The following MAGI1 variants were observed in gnomAD, a reference collection of about 807,000 sequenced individuals.
The protein encoded by MAGI1 is membrane associated guanylate kinase, WW and PDZ domain containing 1.
MAGI1 carries 58 observed loss-of-function variants against 139.9 expected under a neutral mutation model. That is an observed-to-expected ratio of 0.41 (90% CI 0.34 to 0.52). MAGI1 has a LOEUF of 0.52. MAGI1 is among the 20% of genes least tolerant of loss of function. MAGI1 has a pLI of 0.12. For synonymous variants in MAGI1, 812 were observed against 737.9 expected (o/e 1.10, Z -1.63); for missense variants, 1,874 against 1,901.6 (o/e 0.99, Z 0.27).
At chr3:65,410,590 C>T (rs562493056) in intron 12 of MAGI1, among the ~76,000 whole-genome samples, 1 of 152,202 alleles carries the variant, frequency 6.6e-6, no homozygotes, top group Non-Finnish European at 1.5e-5. Flanking sequence ...AATACATGGA[C>T]CTACCACTGA....
chr3:65,949,618 T>A (rs2063700419), intron 1 of MAGI1, among the ~76,000 whole-genome samples: 2 of 152,206 alleles, frequency 1.3e-5, no homozygotes. Flanking sequence ...AGAGTTCAAC[T>A]TTCTCTCCAA....
chr3:65,802,890 GTC>G (rs1553709732), intron 1 of MAGI1, among the ~76,000 whole-genome samples: 3 of 147,798 alleles, frequency 2.0e-5, no homozygotes, highest in Admixed American at 6.7e-5. Context: ...GTGTGTGTGT[GTC>G]TTTTGTTGGC....
At chr3:65,796,925 CCT>C (rs1344625008) in intron 1 of MAGI1, among the ~76,000 whole-genome samples, 13 of 152,296 alleles carry the variant, frequency 8.5e-5, no homozygotes, top group African/African-American at 2.2e-4. Context: ...GAGGATGCCT[CCT>C]CTGTTACCAA....
intron 1 of MAGI1, among the ~76,000 whole-genome samples, chr3:65,765,398 T>C (rs2037384510): frequency 6.6e-6 from 1 of 152,176 alleles, no homozygotes; most frequent in South Asian, 2.1e-4. Flanking sequence ...AAGAAACCAA[T>C]GTTCCACTGC....
chr3:65,358,318 A>G (rs1199591761), intron 22 of MAGI1, among the ~76,000 whole-genome samples: 1 of 152,180 alleles, frequency 6.6e-6, no homozygotes, highest in Non-Finnish European at 1.5e-5. Context: ...AAGGCACTGC[A>G]GTCTGGAGGG....
intron 2 of MAGI1, among the ~76,000 whole-genome samples, chr3:65,537,476 A>C (rs2079012265): frequency 6.6e-6 from 1 of 152,072 alleles, no homozygotes; most frequent in Non-Finnish European, 1.5e-5. Context: ...TTCTCCCCAA[A>C]CTGTAACTTA....
intron 1 of MAGI1, among the ~76,000 whole-genome samples, chr3:65,957,688 A>G (rs1015871775): frequency 6.6e-6 from 1 of 152,182 alleles, no homozygotes; most frequent in Non-Finnish European, 1.5e-5. Context: ...AATAGAGGTC[A>G]GGACAATGGT....
intron 1 of MAGI1, among the ~76,000 whole-genome samples, chr3:65,753,074 T>C (rs186333313): frequency 1.8e-3 from 275 of 152,148 alleles, no homozygotes; most frequent in African/African-American, 6.1e-3. Context: ...TCCTCAACAA[T>C]GTCTAAAAGA....
chr3:65,978,029 CT>C (rs1430820171), intron 1 of MAGI1, among the ~76,000 whole-genome samples: 15 of 152,248 alleles, frequency 9.9e-5, no homozygotes, highest in Admixed American at 7.8e-4. Flanking sequence ...TCAAAACTAG[CT>C]GTTATTTTTT....
At chr3:65,986,064 G>A (rs930080387) in intron 1 of MAGI1, among the ~76,000 whole-genome samples, 3 of 152,166 alleles carry the variant, frequency 2.0e-5, no homozygotes, top group Non-Finnish European at 4.4e-5. Flanking sequence ...AGGATAGAAG[G>A]AGCAAATGGG....
chr3:65,905,012 G>A (rs938081686), intron 1 of MAGI1, among the ~76,000 whole-genome samples: 6 of 152,124 alleles, frequency 3.9e-5, no homozygotes, highest in Admixed American at 1.3e-4. Context: ...CTCCGTATAG[G>A]GGATCTTAAC....
At chr3:65,739,178 T>C (rs2035041184) in intron 1 of MAGI1, among the ~76,000 whole-genome samples, 1 of 152,258 alleles carries the variant, frequency 6.6e-6, no homozygotes, top group Non-Finnish European at 1.5e-5. Context: ...TCTACAATAG[T>C]ACTTGCTGCT....
At chr3:65,817,645 G>C (rs2041689224) in intron 1 of MAGI1, among the ~76,000 whole-genome samples, 1 of 152,208 alleles carries the variant, frequency 6.6e-6, no homozygotes, top group African/African-American at 2.4e-5. Flanking sequence ...GAAAGAGGGA[G>C]AGTGATTAAT....
At chr3:65,881,604 G>A (rs1452129893) in intron 1 of MAGI1, among the ~76,000 whole-genome samples, 1 of 151,892 alleles carries the variant, frequency 6.6e-6, no homozygotes. Context: ...TCCAGCTTGG[G>A]TGACAGAGCC....
In MAGI1 at chr3:65,709,150, T is replaced by C. The variant is rs71306774; in HGVS notation, c.314-87062A>G. Among the ~76,000 whole-genome samples the C allele has an allele frequency of 3.6e-3, 541 of 152,346 alleles. 6 individuals are homozygous for C. Among genetic ancestry groups the C allele is most frequent in the South Asian group, 0.021 (102 of 4,826 alleles). ...ATATACACTACATGGCCGTTCTCTTTTGGTGACAGAAATGTGCTCAGCATT... is the reference window on the plus strand; with the variant it reads ...ATATACACTACATGGCCGTTCTCTTCTGGTGACAGAAATGTGCTCAGCATT... On this transcript the variant is annotated intron_variant, in intron 1 of 22. Coordinates refer to ENST00000402939, the MANE Select transcript of MAGI1 (RefSeq NM_001033057.2).
intron 2 of MAGI1, among the ~76,000 whole-genome samples, chr3:65,529,151 C>T (rs1576199418): frequency 6.6e-6 from 1 of 151,498 alleles, no homozygotes; most frequent in East Asian, 1.9e-4. Context: ...AAGGCTTGGA[C>T]TTTCTGCTCC....
intron 1 of MAGI1, among the ~76,000 whole-genome samples, chr3:65,997,901 G>C (rs1328415502): frequency 6.6e-6 from 1 of 152,048 alleles, no homozygotes; most frequent in Non-Finnish European, 1.5e-5. Context: ...GCTCCTGCCT[G>C]TAATCCCAGC....
intron 1 of MAGI1, among the ~76,000 whole-genome samples, chr3:65,906,847 T>C (rs142837387): frequency 0.037 from 5,637 of 150,558 alleles, 540 homozygotes; most frequent in East Asian, 0.34. Flanking sequence ...GATCACGCCA[T>C]TGCACTACAG....
At chr3:65,612,390 G>A (rs1490468432) in intron 2 of MAGI1, among the ~76,000 whole-genome samples, 2 of 151,908 alleles carry the variant, frequency 1.3e-5, no homozygotes, top group African/African-American at 2.4e-5. Flanking sequence ...CATTTTTAAT[G>A]TTTTGTAGCC....
Sources: allele counts gnomAD v4.1 joint callset (sites outside exome capture counted in the v4.1 genomes callset), GRCh38; gene constraint gnomAD v4.1.1; transcripts MANE v1.5; gene names NCBI Gene and HGNC (gene_info 2026-07-23, HGNC 2026-07-21).